The following EPHA5 variants were observed in gnomAD, a reference collection of about 807,000 sequenced individuals.
EPHA5 encodes EPH receptor A5.
Under a neutral mutation model 105.0 loss-of-function variants are expected in EPHA5, and 60 were observed. The ratio of observed to expected loss-of-function variants is 0.57; its 90% CI spans 0.46 to 0.71. The LOEUF is 0.71. Ranked by LOEUF, EPHA5 falls within the 30% of genes least tolerant of loss-of-function variation. The pLI is 0.00. For synonymous variants in EPHA5, 513 were observed against 449.1 expected (o/e 1.14, Z -1.80); for missense variants, 1,218 against 1,274.7 (o/e 0.96, Z 0.68).
chr4:65,590,754 T>C (rs1742558064), intron 3 of EPHA5, among the ~76,000 whole-genome samples: 1 of 152,134 alleles, frequency 6.6e-6, no homozygotes, highest in Admixed American at 6.5e-5. Context: ...AACCCATCCA[T>C]GGGGTACACT....
intron 3 of EPHA5, among the ~76,000 whole-genome samples, chr4:65,538,033 A>G (rs1432089044): frequency 6.6e-6 from 1 of 151,776 alleles, no homozygotes; most frequent in African/African-American, 2.4e-5. Flanking sequence ...ATAAAATAAC[A>G]TTCCCTAAAG....
intron 6 of EPHA5, among the ~76,000 whole-genome samples, chr4:65,415,667 A>G (rs1397869409): frequency 2.0e-5 from 3 of 152,022 alleles, no homozygotes; most frequent in African/African-American, 7.2e-5. Flanking sequence ...AAATTAATTT[A>G]ATTATCTAAA....
At chr4:65,400,174 A>G (rs1359052773) in intron 8 of EPHA5, among the ~76,000 whole-genome samples, 1 of 152,226 alleles carries the variant, frequency 6.6e-6, no homozygotes, top group South Asian at 2.1e-4. Context: ...TCTGTAAAAC[A>G]GTAAATATAA....
chr4:65,382,465 A>G (rs1719654970), intron 8 of EPHA5, among the ~76,000 whole-genome samples: 1 of 151,894 alleles, frequency 6.6e-6, no homozygotes, highest in Non-Finnish European at 1.5e-5. Flanking sequence ...GCTTATTCCA[A>G]TATATATTTG....
chr4:65,414,670 C>T (rs141128349), intron 6 of EPHA5, among the ~76,000 whole-genome samples: 27 of 152,180 alleles, frequency 1.8e-4, no homozygotes, highest in African/African-American at 6.0e-4. Flanking sequence ...TCCACCCATC[C>T]GGAATACATG....
intron 5 of EPHA5, among the ~76,000 whole-genome samples, chr4:65,442,972 G>T (rs1438310124): frequency 6.6e-6 from 1 of 152,080 alleles, no homozygotes; most frequent in Non-Finnish European, 1.5e-5. Flanking sequence ...TTTATACAGT[G>T]AACTTCTGAA....
chr4:65,539,478 T>C (rs2149318297), intron 3 of EPHA5, among the ~76,000 whole-genome samples: 1 of 151,696 alleles, frequency 6.6e-6, no homozygotes, highest in South Asian at 2.1e-4. Context: ...AATAGAAATG[T>C]AGCCAAAATT....
At chr4:65,381,578 C>T (rs1719567852) in intron 8 of EPHA5, among the ~76,000 whole-genome samples, 1 of 151,722 alleles carries the variant, frequency 6.6e-6, no homozygotes, top group African/African-American at 2.4e-5. Flanking sequence ...AACCAAATAA[C>T]ACTGAATAAA....
At chr4:65,458,134 T>G (rs1727789473) in intron 5 of EPHA5, among the ~76,000 whole-genome samples, 1 of 149,098 alleles carries the variant, frequency 6.7e-6, no homozygotes, top group African/African-American at 2.5e-5. Context: ...TATACTAAGA[T>G]AATTGACAAT....
At chr4:65,493,450 G>A (rs1181099808) in intron 4 of EPHA5, among the ~76,000 whole-genome samples, 1 of 152,074 alleles carries the variant, frequency 6.6e-6, no homozygotes, top group Non-Finnish European at 1.5e-5. Flanking sequence ...CAAAGGCAAA[G>A]TGAAGCTCAA....
intron 8 of EPHA5, among the ~76,000 whole-genome samples, chr4:65,372,912 T>C (rs1334749940): frequency 6.6e-6 from 1 of 151,926 alleles, no homozygotes; most frequent in Non-Finnish European, 1.5e-5. Flanking sequence ...ATAGCTATAA[T>C]AGGAAAACCT....
intron 3 of EPHA5, among the ~76,000 whole-genome samples, chr4:65,507,329 A>C (rs1307300364): frequency 3.3e-5 from 5 of 152,162 alleles, no homozygotes; most frequent in Non-Finnish European, 7.3e-5. Flanking sequence ...CTTTTGGCTT[A>C]GGATTGTCTT....
chr4:65,464,327 C>T (rs1332432468), intron 5 of EPHA5, among the ~76,000 whole-genome samples: 1 of 151,766 alleles, frequency 6.6e-6, no homozygotes, highest in Non-Finnish European at 1.5e-5. Context: ...ACTGACGTGC[C>T]TACAAAATTT....
chr4:65,654,320 T>A lies in EPHA5; in HGVS notation c.182-10893A>T, dbSNP rs532952865. On this transcript the variant is annotated intron_variant, in intron 1 of 16. Coordinates refer to ENST00000613740, the MANE Select transcript of EPHA5 (RefSeq NM_001281766.3). ...TTGTAACCCAATATAGTTCTACAGA[T>A]AATATATACACAACGGACGAGAAAG... Among the ~76,000 whole-genome samples the A allele has an allele frequency of 7.9e-5, 12 of 151,904 alleles. No homozygotes were observed. The East Asian group carries it at 1.7e-3, about 22-fold the overall frequency.
At chr4:65,337,150 A>G (rs1377890640) in intron 14 of EPHA5, among the ~76,000 whole-genome samples, 1 of 152,124 alleles carries the variant, frequency 6.6e-6, no homozygotes, top group African/African-American at 2.4e-5. Context: ...CAACACAGGT[A>G]TAAAATATAT....
chr4:65,388,979 A>T (rs985202496), intron 8 of EPHA5, among the ~76,000 whole-genome samples: 10 of 152,016 alleles, frequency 6.6e-5, no homozygotes, highest in Non-Finnish European at 1.2e-4. Context: ...AATAATTTTA[A>T]TTCACTTATC....
chr4:65,643,705 A>C (rs1387636403), intron 1 of EPHA5, among the ~76,000 whole-genome samples: 1 of 151,904 alleles, frequency 6.6e-6, no homozygotes, highest in Non-Finnish European at 1.5e-5. Context: ...TTAAAAAAAA[A>C]GCTAATAAGG....
intron 7 of EPHA5, among the ~76,000 whole-genome samples, chr4:65,407,174 A>G (rs1039395575): frequency 1.3e-5 from 2 of 152,096 alleles, no homozygotes; most frequent in Non-Finnish European, 2.9e-5. Flanking sequence ...CTACCTTTGG[A>G]AGAAAATTCT....
At chr4:65,642,045 A>G (rs1250450673) in intron 2 of EPHA5, among the ~76,000 whole-genome samples, 2 of 152,118 alleles carry the variant, frequency 1.3e-5, no homozygotes, top group African/African-American at 4.8e-5. Context: ...CCAAGGCTCT[A>G]TTTTAATAAT....
Sources: allele counts gnomAD v4.1 joint callset (sites outside exome capture counted in the v4.1 genomes callset), GRCh38; gene constraint gnomAD v4.1.1; transcripts MANE v1.5; gene names NCBI Gene and HGNC (gene_info 2026-07-23, HGNC 2026-07-21).